LRP1B: variants seen among roughly 807,000 people sequenced by gnomAD.
LRP1B encodes the protein low-density lipoprotein receptor-related protein 1B.
Under a neutral mutation model 556.6 loss-of-function variants are expected in LRP1B, and 217 were observed. The observed-to-expected ratio is 0.39, with a 90% CI of 0.35 to 0.44. The LOEUF (loss-of-function observed/expected upper bound fraction) is 0.44, where lower values mean the gene tolerates loss of function less well. LRP1B is among the 20% of genes least tolerant of loss of function. The pLI, the probability that LRP1B is intolerant of heterozygous loss-of-function variation, is 1.00. For synonymous variants in LRP1B, 2,047 were observed against 1,865.8 expected, an observed-to-expected ratio of 1.10 and a Z score of -2.50; for missense variants, 5,053 against 5,620.8, an observed-to-expected ratio of 0.90 and a Z score of 3.23.
intron 1 of LRP1B, among the ~76,000 whole-genome samples, chr2:142,023,056 C>G (rs910747003): frequency 1.3e-5 from 2 of 152,174 alleles, no homozygotes; most frequent in African/African-American, 4.8e-5. Flanking sequence ...AAGGCTCAAA[C>G]AGCTAGCACA....
intron 49 of LRP1B, among the ~76,000 whole-genome samples, chr2:140,522,313 G>T (rs1690216693): frequency 1.3e-5 from 2 of 151,878 alleles, no homozygotes; most frequent in South Asian, 4.1e-4. Context: ...ACTAAAACTT[G>T]CTCCGAATGA....
chr2:140,556,122 C>T (rs941981223), intron 43 of LRP1B, among the ~76,000 whole-genome samples: 1 of 152,000 alleles, frequency 6.6e-6, no homozygotes, highest in Non-Finnish European at 1.5e-5. Context: ...GCTCAGGACA[C>T]ATTACCCCAA....
At chr2:141,461,450 G>C (rs866560644) in intron 3 of LRP1B, among the ~76,000 whole-genome samples, 1 of 152,102 alleles carries the variant, frequency 6.6e-6, no homozygotes, top group African/African-American at 2.4e-5. Flanking sequence ...GACAATGAAT[G>C]AAAGTGAAGA....
chr2:141,166,790 G>C (rs1236161525), intron 7 of LRP1B, among the ~76,000 whole-genome samples: 1 of 151,972 alleles, frequency 6.6e-6, no homozygotes, highest in Admixed American at 6.6e-5. Context: ...TTGCAACAGA[G>C]TAAAGGATAA....
intron 3 of LRP1B, among the ~76,000 whole-genome samples, chr2:141,414,187 A>T (rs945257911): frequency 3.5e-5 from 5 of 142,440 alleles, no homozygotes; most frequent in Non-Finnish European, 7.6e-5. Context: ...CAGTGAGCGG[A>T]GATAGCGCCA....
intron 2 of LRP1B, among the ~76,000 whole-genome samples, chr2:141,705,294 A>G (rs1280653446): frequency 1.3e-5 from 2 of 151,996 alleles, no homozygotes; most frequent in Admixed American, 6.6e-5. Flanking sequence ...TTGAACGTCA[A>G]TTTCTCCTTC....
At chr2:140,323,454 TTAGA>T (rs1680269978) in intron 81 of LRP1B, among the ~76,000 whole-genome samples, 2 of 151,938 alleles carry the variant, frequency 1.3e-5, no homozygotes, top group African/African-American at 2.4e-5. Context: ...ATTTCCTTCC[TTAGA>T]TAGTTCGTCT....
chr2:141,942,602 G>T (rs907010958), intron 1 of LRP1B, among the ~76,000 whole-genome samples: 1 of 152,140 alleles, frequency 6.6e-6, no homozygotes, highest in African/African-American at 2.4e-5. Context: ...ACCTGAAACT[G>T]CAATTCCATC....
At chr2:140,922,357 G>T (rs1242054729) in intron 21 of LRP1B, among the ~76,000 whole-genome samples, 3 of 151,510 alleles carry the variant, frequency 2.0e-5, no homozygotes, top group Non-Finnish European at 3.0e-5. Flanking sequence ...TAGTAATAGG[G>T]TATATTTATA....
intron 3 of LRP1B, among the ~76,000 whole-genome samples, chr2:141,313,931 C>T (rs1195672512): frequency 6.6e-6 from 1 of 151,264 alleles, no homozygotes; most frequent in African/African-American, 2.4e-5. Flanking sequence ...ATTGTCTCTC[C>T]AATTCTTTAT....
chr2:141,616,792 C>A (rs1180005131), intron 2 of LRP1B, among the ~76,000 whole-genome samples: 1 of 152,170 alleles, frequency 6.6e-6, no homozygotes, highest in South Asian at 2.1e-4. Context: ...TAATCACTTT[C>A]TATATCTCTG....
chr2:141,508,415 T>C (rs1684009128), intron 2 of LRP1B, among the ~76,000 whole-genome samples: 1 of 152,196 alleles, frequency 6.6e-6, no homozygotes, highest in African/African-American at 2.4e-5. Flanking sequence ...GCCTAAATGG[T>C]TGACACTTTT....
chr2:141,581,044 A>G (rs1012837729), intron 2 of LRP1B, among the ~76,000 whole-genome samples: 3 of 152,210 alleles, frequency 2.0e-5, no homozygotes, highest in African/African-American at 4.8e-5. Flanking sequence ...TGTCCCATGA[A>G]AGTGTTTGAA....
At chr2:141,068,557 C>CAA (rs564540035) in intron 7 of LRP1B, among the ~76,000 whole-genome samples, 1,178 of 71,526 alleles carry the variant, frequency 0.016, 11 homozygotes, top group African/African-American at 0.042. Flanking sequence ...ATGTGGTTGG[C>CAA]AAAAAAAAAA....
At chr2:141,175,407 T>G (rs1207763275) in intron 7 of LRP1B, among the ~76,000 whole-genome samples, 1 of 152,154 alleles carries the variant, frequency 6.6e-6, no homozygotes, top group African/African-American at 2.4e-5. Context: ...TGGGACTTGA[T>G]GACCTGCATA....
chr2:140,801,883 G>A (rs1180988998), intron 32 of LRP1B, among the ~76,000 whole-genome samples: 1 of 151,974 alleles, frequency 6.6e-6, no homozygotes, highest in Non-Finnish European at 1.5e-5. Context: ...CTGTAGCTCC[G>A]ACAAGAAGTT....
intron 66 of LRP1B, 37 bp from the exon 67 acceptor site, chr2:140,386,046 T>G: frequency 7.6e-7 from 1 of 1,321,514 alleles, no homozygotes. Context: ...ATTGTAGATT[T>G]CCATGAAGAC....
chr2:141,039,072 A>G (rs1417057555), intron 11 of LRP1B, among the ~76,000 whole-genome samples: 1 of 152,070 alleles, frequency 6.6e-6, no homozygotes, highest in Non-Finnish European at 1.5e-5. Flanking sequence ...TAAGTTTTAA[A>G]TTGTCTGCTG....
chr2:141,890,323 CATATATAT>C (rs556472129), intron 1 of LRP1B, among the ~76,000 whole-genome samples: 2 of 83,818 alleles, frequency 2.4e-5, no homozygotes, highest in African/African-American at 4.4e-5. Context: ...GGGCACAATA[CATATATAT>C]ATATATATAT....
Sources: allele counts gnomAD v4.1 joint callset (sites outside exome capture counted in the v4.1 genomes callset), GRCh38; gene constraint gnomAD v4.1.1; transcripts MANE v1.5; gene names NCBI Gene and HGNC (gene_info 2026-07-23, HGNC 2026-07-21).